The following QRSL1 variants were observed in gnomAD, a reference collection of about 807,000 sequenced individuals.
QRSL1 encodes the protein glutaminyl-tRNA amidotransferase subunit QRSL1.
Under a neutral mutation model 61.6 loss-of-function variants are expected in QRSL1, and 54 were observed. That is an observed-to-expected ratio of 0.88 (90% CI 0.70 to 1.10). The LOEUF (loss-of-function observed/expected upper bound fraction) is 1.10, where lower values mean the gene tolerates loss of function less well. Among genes scored for constraint, QRSL1 ranks in the 50% least tolerant of loss-of-function variants. The pLI, the probability that QRSL1 is intolerant of heterozygous loss-of-function variation, is 0.00. For synonymous variants in QRSL1, 228 were observed against 225.7 expected, an observed-to-expected ratio of 1.01 and a Z score of -0.09; for missense variants, 505 against 622.6, an observed-to-expected ratio of 0.81 and a Z score of 2.01.
chr6:106,663,448 A>C (rs1295172354), intron 10 of QRSL1, among the ~76,000 whole-genome samples: 1 of 152,208 alleles, frequency 6.6e-6, no homozygotes, highest in Non-Finnish European at 1.5e-5. Flanking sequence ...AGCAGCTTCC[A>C]CTTCTGCGAA....
intron 9 of QRSL1, among the ~76,000 whole-genome samples, chr6:106,658,446 C>A (rs1201178740): frequency 6.6e-6 from 1 of 152,126 alleles, no homozygotes; most frequent in Non-Finnish European, 1.5e-5. Context: ...TACAGCTACT[C>A]AGGAGGCTGA....
chr6:106,657,662 A>G (rs2114715225), intron 9 of QRSL1, among the ~76,000 whole-genome samples: 1 of 152,294 alleles, frequency 6.6e-6, no homozygotes, highest in Admixed American at 6.5e-5. Flanking sequence ...TGGGATTCGG[A>G]ATACTTTTTT....
In QRSL1 at chr6:106,629,611, A is replaced by C; in HGVS notation, c.-71A>C. On this transcript the variant is annotated 5_prime_UTR_variant, in exon 1 of 11. Coordinates refer to ENST00000369046, the MANE Select transcript of QRSL1 (RefSeq NM_018292.5). ...TTAAAGATGGCTGCGCCCATGTAACATCACTAGCGACCGGTGACCTCTTTT... is the reference window on the plus strand; with the variant it reads ...TTAAAGATGGCTGCGCCCATGTAACCTCACTAGCGACCGGTGACCTCTTTT... 2 of 1,547,108 alleles carry C rather than the reference A, an allele frequency of 1.3e-6. No homozygotes were observed. The highest frequency in any genetic ancestry group is 1.7e-6 in the Non-Finnish European group (2 of 1,143,348).
chr6:106,629,578 A>G lies in QRSL1; in HGVS notation c.-104A>G, dbSNP rs1776760701. On this transcript the variant is annotated 5_prime_UTR_variant, in exon 1 of 11. Transcript: ENST00000369046. ...CCAAGTACTCGGTGTTGAAGGGCTC[A>G]GTGACAATTAAAGATGGCTGCGCCC... is the stretch of plus-strand genomic sequence containing the variant. The G allele has an allele frequency of 1.0e-5, 14 of 1,403,854 alleles. No homozygotes were observed. The highest frequency in any genetic ancestry group is 1.2e-5 in the Non-Finnish European group (12 of 1,023,494). The allele number at this position is 1,403,854 out of a possible 1,614,324, so 87.0% of individuals were successfully genotyped here.
intron 4 of QRSL1, among the ~76,000 whole-genome samples, chr6:106,648,274 A>G (rs573356049): frequency 6.6e-6 from 1 of 151,966 alleles, no homozygotes; most frequent in Non-Finnish European, 1.5e-5. Context: ...CCAGACTGCC[A>G]GTAGAGCGAG....
rs185922651 is a variant in QRSL1, at chr6:106,650,809, G to A, written c.558-1400G>A. Among the ~76,000 whole-genome samples, 710 of 152,204 alleles carry A rather than the reference G, an allele frequency of 4.7e-3. 5 individuals carry two copies. The highest frequency in any genetic ancestry group is 0.012 in the South Asian group (58 of 4,818). On this transcript the variant is annotated intron_variant, in intron 5 of 10. Transcript: ENST00000369046. ...ATGAATGCATGTCAGAACTGGTAAC[G>A]GTTATTGTGGGGGCTGTGATTCTAA...
intron 1 of QRSL1, among the ~76,000 whole-genome samples, chr6:106,630,320 G>T (rs1287544450): frequency 1.3e-5 from 2 of 152,026 alleles, no homozygotes; most frequent in African/African-American, 4.8e-5. Context: ...ATTGTAACAG[G>T]ACTTACCTCT....
intron 4 of QRSL1, among the ~76,000 whole-genome samples, chr6:106,643,946 G>GCTGCAGCCTCCGCCTCC (rs1369794026): frequency 2.7e-5 from 4 of 149,252 alleles, no homozygotes; most frequent in Non-Finnish European, 5.9e-5. Context: ...ATCTCGGCTC[G>GCTGCAGCCTCCGCCTCC]CTGCAGCCTC....
At chr6:106,648,888 C>T in intron 4 of QRSL1, 137 bp from the exon 5 acceptor site, 7 of 779,108 alleles carry the variant, frequency 9.0e-6, no homozygotes, top group Non-Finnish European at 1.3e-5. Flanking sequence ...GAACAGGCTT[C>T]CCACCTTTTT....
At chr6:106,630,628 A>C (rs922170586) in intron 1 of QRSL1, among the ~76,000 whole-genome samples, 2 of 152,216 alleles carry the variant, frequency 1.3e-5, no homozygotes, top group African/African-American at 4.8e-5. Context: ...AACTAAAACT[A>C]TGCCCCACTC....
In QRSL1 at chr6:106,662,983, C is replaced by T; in HGVS notation, c.1164C>T (p.Asn388=). The T allele has an allele frequency of 6.2e-7, 1 of 1,603,384 alleles. No homozygotes were observed. Among genetic ancestry groups the T allele is most frequent in the Non-Finnish European group, 8.5e-7 (1 of 1,170,498 alleles). The change falls in exon 10 of 11, where the codon AAC becomes AAT. Residue 388 remains asparagine (N), a synonymous_variant. Coordinates refer to ENST00000369046, the MANE Select transcript of QRSL1 (RefSeq NM_018292.5). ...ATCACCTACTTTTTTCCCACAGAAA[C>T]TATGAAAATTATTTTGTCAAAGCAC... ...LSGNFFLLKE[N]YENYFVKAQK...
At chr6:106,642,382 C>T in intron 3 of QRSL1, 1 of 435,174 alleles carries the variant, frequency 2.3e-6, no homozygotes, top group Non-Finnish European at 4.3e-6. Flanking sequence ...ATATGATTTA[C>T]ATGTTCGCTG....
At chr6:106,634,496 A>G (rs1272812398) in intron 1 of QRSL1, among the ~76,000 whole-genome samples, 3 of 152,348 alleles carry the variant, frequency 2.0e-5, no homozygotes, top group East Asian at 3.9e-4. Context: ...ACCGGGTGCA[A>G]TGGCTCACGC....
intron 9 of QRSL1, among the ~76,000 whole-genome samples, chr6:106,661,048 GTTC>G (rs766268025): frequency 7.2e-5 from 11 of 152,250 alleles, no homozygotes; most frequent in Non-Finnish European, 1.2e-4. Flanking sequence ...GATGGAAGCA[GTTC>G]TTCTTCTGAG....
chr6:106,655,591 T>C (rs1777256177), intron 8 of QRSL1, 24 bp from the exon 9 acceptor site: 1 of 1,464,444 alleles, frequency 6.8e-7, no homozygotes, highest in African/African-American at 1.4e-5. Context: ...TTTCAAGTAA[T>C]GTTTACCCTT....
intron 1 of QRSL1, among the ~76,000 whole-genome samples, chr6:106,632,160 A>C (rs991129372): frequency 6.6e-6 from 1 of 152,238 alleles, no homozygotes; most frequent in Non-Finnish European, 1.5e-5. Flanking sequence ...TTTATGGCTG[A>C]ATAGTACTCC....
At chr6:106,654,019 AG>A (rs1443835633) in intron 7 of QRSL1, among the ~76,000 whole-genome samples, 2 of 152,154 alleles carry the variant, frequency 1.3e-5, no homozygotes, top group Non-Finnish European at 1.5e-5. Flanking sequence ...CCTACATCAC[AG>A]GCTTGTTAAA....
Position 106,666,108 on chromosome 6 carries a change from T to C in QRSL1, c.*106T>C, listed in dbSNP as rs758670198. On this transcript the variant is annotated 3_prime_UTR_variant, in exon 11 of 11. Transcript: ENST00000369046. ...GCGAGCGGATCATGAGGTCAGAAGA[T>C]CTAGAACAGCCTGGTCAACATGGTG... The C allele has an allele frequency of 1.7e-5, 15 of 871,662 alleles. No individual in the cohort carries two copies. Among genetic ancestry groups the C allele is most frequent in the Non-Finnish European group, 2.8e-5 (15 of 544,530 alleles). The allele number at this position is 871,662 out of a possible 1,614,324, so 54.0% of individuals were successfully genotyped here. A position where few individuals can be genotyped will look rare whatever the true frequency, so the allele number is the denominator to read the frequency against.
intron 1 of QRSL1, among the ~76,000 whole-genome samples, chr6:106,631,378 TA>T (rs1776827500): frequency 6.6e-6 from 1 of 152,234 alleles, no homozygotes; most frequent in Admixed American, 6.5e-5. Context: ...AGAAAATATT[TA>T]TTTTGGAGTA....
Sources: allele counts gnomAD v4.1 joint callset (sites outside exome capture counted in the v4.1 genomes callset), GRCh38; gene constraint gnomAD v4.1.1; transcripts MANE v1.5; gene names NCBI Gene and HGNC (gene_info 2026-07-23, HGNC 2026-07-21).